The following STXBP5L variants were observed in gnomAD, a reference collection of about 807,000 sequenced individuals.
STXBP5L encodes the protein syntaxin binding protein 5L, also known as syntaxin-binding protein 5-like.
Under a neutral mutation model 144.5 loss-of-function variants are expected in STXBP5L, and 65 were observed. The ratio of observed to expected loss-of-function variants is 0.45; its 90% CI spans 0.37 to 0.55. STXBP5L has a LOEUF of 0.55. Ranked by LOEUF, STXBP5L falls within the 20% of genes least tolerant of loss-of-function variation. The probability of loss-of-function intolerance (pLI) is 0.00; values close to 1 mark genes in which losing one functional copy is unlikely to be tolerated. For synonymous variants in STXBP5L, 505 were observed against 469.6 expected (o/e 1.08, Z -0.97); for missense variants, 1,298 against 1,405.5 (o/e 0.92, Z 1.22).
At chr3:120,964,279 T>C (rs1939272066) in intron 3 of STXBP5L, among the ~76,000 whole-genome samples, 1 of 152,196 alleles carries the variant, frequency 6.6e-6, no homozygotes, top group African/African-American at 2.4e-5. Context: ...CTCCTTCAGT[T>C]CTGCTCTGAT....
chr3:121,303,608 G>A (rs2052019797), intron 19 of STXBP5L, among the ~76,000 whole-genome samples: 1 of 152,144 alleles, frequency 6.6e-6, no homozygotes, highest in South Asian at 2.1e-4. Flanking sequence ...ATTCACAATA[G>A]CAAAGACTTG....
At chr3:121,336,694 G>A (rs899207951) in intron 20 of STXBP5L, among the ~76,000 whole-genome samples, 2 of 152,116 alleles carry the variant, frequency 1.3e-5, no homozygotes, top group South Asian at 2.1e-4. Flanking sequence ...AAGCAGTGTG[G>A]CATCTCCTTA....
At chr3:121,094,981 C>T (rs998124602) in intron 5 of STXBP5L, among the ~76,000 whole-genome samples, 1 of 152,018 alleles carries the variant, frequency 6.6e-6, no homozygotes, top group Non-Finnish European at 1.5e-5. Flanking sequence ...GTGACAAAAT[C>T]TCTCAGCATT....
chr3:121,146,352 A>T (rs1462385033), intron 7 of STXBP5L, among the ~76,000 whole-genome samples: 1 of 152,018 alleles, frequency 6.6e-6, no homozygotes, highest in Non-Finnish European at 1.5e-5. Flanking sequence ...TGGTGGGTAA[A>T]ATATAATAAA....
chr3:121,241,160 A>G (rs1342494514), intron 14 of STXBP5L, among the ~76,000 whole-genome samples: 1 of 152,118 alleles, frequency 6.6e-6, no homozygotes, highest in African/African-American at 2.4e-5. Flanking sequence ...AGAGAATGAC[A>G]TGGAAGTCAG....
chr3:121,327,449 G>A (rs1489043558), intron 20 of STXBP5L, among the ~76,000 whole-genome samples: 2 of 152,118 alleles, frequency 1.3e-5, no homozygotes, highest in Admixed American at 6.5e-5. Context: ...GCCATCATCT[G>A]ATCTTTAGGC....
At chr3:121,152,701 T>C (rs1024977588) in intron 8 of STXBP5L, 141 bp downstream of exon 8, 2 of 542,302 alleles carry the variant, frequency 3.7e-6, no homozygotes, top group Non-Finnish European at 6.2e-6. Flanking sequence ...TGTCTTTTAG[T>C]ATTTGTGTAA....
At chr3:120,999,088 T>C (rs1244780812) in intron 3 of STXBP5L, among the ~76,000 whole-genome samples, 1 of 152,184 alleles carries the variant, frequency 6.6e-6, no homozygotes, top group Non-Finnish European at 1.5e-5. Flanking sequence ...AGTCTCATTC[T>C]CTCACCCAGG....
Position 121,138,778 on chromosome 3 carries a change from T to G in STXBP5L, c.670-13699T>G, listed in dbSNP as rs1025772036. Among the ~76,000 whole-genome samples the G allele has an allele frequency of 3.3e-5, 5 of 151,796 alleles. No homozygotes were observed. The East Asian group carries it at 7.7e-4, about 23-fold the overall frequency. On this transcript the variant is annotated intron_variant, in intron 7 of 26. Transcript: ENST00000471454. The stretch of plus-strand genomic sequence containing the variant: ...TTAAAATAGATTAAATAATTAAGTG[T>G]AAATCCTTAAACTATTAACCTACTG...
At chr3:120,979,380 C>T (rs867719360) in intron 3 of STXBP5L, among the ~76,000 whole-genome samples, 4 of 152,140 alleles carry the variant, frequency 2.6e-5, no homozygotes, top group Non-Finnish European at 2.9e-5. Flanking sequence ...TCTGGTGCAC[C>T]GTTTTTTAAG....
At chr3:120,962,419 G>A (rs570186427) in intron 3 of STXBP5L, among the ~76,000 whole-genome samples, 1 of 152,082 alleles carries the variant, frequency 6.6e-6, no homozygotes, top group Admixed American at 6.6e-5. Flanking sequence ...GGTCTCACAT[G>A]TAATTCTTTA....
rs1577205018 is a variant in STXBP5L, at chr3:121,205,286, T to G, written c.878-637T>G. Among the ~76,000 whole-genome samples, 5 of 152,328 alleles carry G rather than the reference T, an allele frequency of 3.3e-5. 1 individual carries two copies. In the South Asian group the frequency reaches 1.0e-3, roughly 32 times the overall value. On this transcript the variant is annotated intron_variant, in intron 9 of 26. Transcript: ENST00000471454. ...TGAGGGGCAACATCTGATGAGGGACTTCTTACTGTGTTATAACATGGTGGA... is the reference window on the plus strand; with the variant it reads ...TGAGGGGCAACATCTGATGAGGGACGTCTTACTGTGTTATAACATGGTGGA...
chr3:121,157,439 A>C, intron 8 of STXBP5L, 65 bp from the exon 9 acceptor site: 2 of 1,439,924 alleles, frequency 1.4e-6, no homozygotes, highest in Non-Finnish European at 1.8e-6. Flanking sequence ...TTTCTTTGGA[A>C]TATAGAATGA....
intron 5 of STXBP5L, among the ~76,000 whole-genome samples, chr3:121,072,380 A>G (rs1189875459): frequency 6.6e-6 from 1 of 152,244 alleles, no homozygotes; most frequent in Non-Finnish European, 1.5e-5. Flanking sequence ...CAAGCCAAGC[A>G]TTGCTCACAA....
chr3:121,276,810 G>A (rs2050900025), intron 18 of STXBP5L, among the ~76,000 whole-genome samples: 1 of 151,294 alleles, frequency 6.6e-6, no homozygotes, highest in Non-Finnish European at 1.5e-5. Context: ...TGATTATGAT[G>A]CCTTTTTGTT....
At chr3:121,302,960 T>C (rs1254792215) in intron 19 of STXBP5L, among the ~76,000 whole-genome samples, 3 of 152,068 alleles carry the variant, frequency 2.0e-5, no homozygotes, top group Non-Finnish European at 4.4e-5. Context: ...CCATTCAGGA[T>C]ATAGGCATGG....
In STXBP5L at chr3:121,209,506, A is replaced by C. The variant is rs1004226941; in HGVS notation, c.956+3505A>C. Among the ~76,000 whole-genome samples, 3 of 152,120 alleles carry C rather than the reference A, an allele frequency of 2.0e-5. No homozygotes were observed. In the South Asian group the frequency reaches 6.2e-4, roughly 31 times the overall value. ...GTGCAGGTTTGTTACATATGTATAC[A>C]TGTGCCATGTTGGTGTGCTGCACCC... On this transcript the variant is annotated intron_variant, in intron 10 of 26. Coordinates refer to ENST00000471454, the MANE Select transcript of STXBP5L (RefSeq NM_001308330.2).
chr3:121,220,882 A>C (rs2048953068), intron 10 of STXBP5L, among the ~76,000 whole-genome samples: 1 of 152,104 alleles, frequency 6.6e-6, no homozygotes, highest in Non-Finnish European at 1.5e-5. Flanking sequence ...TTCTTCATCA[A>C]GGTTGTTGTG....
chr3:121,029,250 G>A (rs1235750811), intron 3 of STXBP5L, among the ~76,000 whole-genome samples: 1 of 152,136 alleles, frequency 6.6e-6, no homozygotes, highest in Non-Finnish European at 1.5e-5. Flanking sequence ...GAACAAAGCT[G>A]GAGGCATCAC....
Sources: gnomAD v4.1 joint callset for allele counts (sites outside exome capture counted in the v4.1 genomes callset) on GRCh38, gnomAD v4.1.1 for gene constraint, MANE v1.5 for transcripts, NCBI Gene and HGNC (gene_info 2026-07-23, HGNC 2026-07-21) for gene names.